ZKSCAN7: variants seen among roughly 807,000 people sequenced by gnomAD.
ZKSCAN7 encodes the protein zinc finger with KRAB and SCAN domains 7.
Under a neutral mutation model 65.3 loss-of-function variants are expected in ZKSCAN7, and 38 were observed. The ratio of observed to expected loss-of-function variants is 0.58; its 90% CI spans 0.45 to 0.76. ZKSCAN7 has a LOEUF of 0.76. ZKSCAN7 is among the 30% of genes least tolerant of loss of function. ZKSCAN7 has a pLI of 0.00. For missense variants in ZKSCAN7, 815 were observed against 913.3 expected (o/e 0.89, Z 1.39); for synonymous variants, 321 against 321.0 (o/e 1.00, Z 0.00).
chr3:44,570,932 G>C lies in ZKSCAN7; in HGVS notation c.1822G>C (p.Glu608Gln). The C allele has an allele frequency of 6.2e-7, 1 of 1,614,130 alleles. No homozygotes were observed. The highest frequency in any genetic ancestry group is 8.5e-7 in the Non-Finnish European group (1 of 1,180,002). Reference sequence around the variant, plus strand: ...AATTCATACTGGAGAAAAACCTTTTGAATGTAGCGAGTGTGGTAAGGCATT... The same window carrying C: ...AATTCATACTGGAGAAAAACCTTTTCAATGTAGCGAGTGTGGTAAGGCATT... ...ERIHTGEKPF[E>Q]CSECGKAFGL... The change falls in exon 6 of 6, where the codon GAA (glutamate) becomes CAA (glutamine). Residue 608 changes from glutamate (E) to glutamine (Q), a missense_variant. Glu to Gln is a conservative substitution (Grantham distance 29). Coordinates refer to ENST00000426540, the MANE Select transcript of ZKSCAN7 (RefSeq NM_001288590.2).
downstream of ZKSCAN7, among the ~76,000 whole-genome samples, chr3:44,575,540 A>G (rs1249121020): frequency 6.6e-6 from 1 of 152,220 alleles, no homozygotes; most frequent in Non-Finnish European, 1.5e-5. Context: ...AAAGTTCCCA[A>G]ATAATTGAAA....
chr3:44,580,321 G>T (rs1700041808), intron 5 of ZKSCAN7: 2 of 1,613,360 alleles, frequency 1.2e-6, no homozygotes, highest in African/African-American at 1.3e-5. Flanking sequence ...TCCAGCCCAG[G>T]TTCCCGCAGG....
chr3:44,558,803 T>TTG (rs71092314), intron 2 of ZKSCAN7, among the ~76,000 whole-genome samples: 3 of 122,252 alleles, frequency 2.5e-5, no homozygotes, highest in Non-Finnish European at 3.6e-5. Context: ...TTTTTTTTTT[T>TTG]GGGTCTTGCT....
At chr3:44,580,195 C>T (rs1250708790) in intron 5 of ZKSCAN7, 64 of 1,611,192 alleles carry the variant, frequency 4.0e-5, no homozygotes, top group Non-Finnish European at 5.3e-5. Context: ...AGCTGCTGTT[C>T]TTCGGCCTTC....
Position 44,570,268 on chromosome 3 carries a change from T to A in ZKSCAN7, c.1158T>A (p.Asp386Glu). ...AGGGACAGAAATCCTATCGATGTGA[T>A]GAATGTGGCAAAGCTTTCAATCGGA... ...VLKGQKSYRC[D>E]ECGKAFNRSS... Residue 386 changes from aspartate (D) to glutamate (E), a missense_variant, in exon 6 of 6, where the codon GAT becomes GAA. Asp to Glu is a conservative substitution (Grantham distance 45, BLOSUM62 2). This residue lies in a region of ZKSCAN7 where 578 missense variants were observed against 629.5 expected (regional missense o/e 0.92). Coordinates refer to ENST00000426540, the MANE Select transcript of ZKSCAN7 (RefSeq NM_001288590.2). The A allele has an allele frequency of 6.2e-7, 1 of 1,614,238 alleles. No homozygotes were observed. The highest frequency in any genetic ancestry group is 8.5e-7 in the Non-Finnish European group (1 of 1,180,046).
chr3:44,567,387 T>TTA (rs1031022492), intron 3 of ZKSCAN7, among the ~76,000 whole-genome samples: 9 of 152,246 alleles, frequency 5.9e-5, no homozygotes, highest in Non-Finnish European at 1.3e-4. Flanking sequence ...GACACTGAAC[T>TTA]TAAAGTGTTG....
rs1246032383 is a variant in ZKSCAN7 at position 44,556,981 on chromosome 3, C to T, written c.-67C>T. 6.2e-7 allele frequency: 1 copy of T among 1,601,054 alleles called. No homozygotes were observed. Among genetic ancestry groups the T allele is most frequent in the African/African-American group, 1.3e-5 (1 of 74,144 alleles). On this transcript the variant is annotated 5_prime_UTR_variant, in exon 2 of 6. Transcript: ENST00000426540. ...AACCCTGAAAAACAGTTCCTGAGAC[C>T]TGAACTATTGACCATCATTTTAATC...
chr3:44,577,124 T>G (rs558310901), downstream of ZKSCAN7, among the ~76,000 whole-genome samples: 1 of 152,204 alleles, frequency 6.6e-6, no homozygotes, highest in Admixed American at 6.5e-5. Flanking sequence ...TTACCATACC[T>G]GGCTAATTTT....
chr3:44,572,367 TGTGTGTGTGTGTGTGTG>T (rs753083897), downstream of ZKSCAN7, among the ~76,000 whole-genome samples: 11 of 150,886 alleles, frequency 7.3e-5, no homozygotes, highest in African/African-American at 2.7e-4. Context: ...TGTGTGTGTG[TGTGTGTGTGTGTGTGTG>T]TGTGTATGTA....
downstream of ZKSCAN7, among the ~76,000 whole-genome samples, chr3:44,572,849 C>CAAAAAAAAAAAAAAAAAAAAAAAA (rs11339297): frequency 1.3e-3 from 96 of 72,402 alleles, no homozygotes; most frequent in Non-Finnish European, 1.8e-3. Flanking sequence ...GACTCTGTCT[C>CAAAAAAAAAAAAAAAAAAAAAAAA]AAAAAAAAAA....
intron 5 of ZKSCAN7, among the ~76,000 whole-genome samples, chr3:44,581,854 A>G (rs1700093088): frequency 6.6e-6 from 1 of 152,178 alleles, no homozygotes; most frequent in Non-Finnish European, 1.5e-5. Context: ...AAATGTCAAG[A>G]GATGGTGGAT....
chr3:44,573,809 C>A (rs76712836), downstream of ZKSCAN7, among the ~76,000 whole-genome samples: 1 of 152,124 alleles, frequency 6.6e-6, no homozygotes, highest in East Asian at 1.9e-4. Context: ...CCACACTAAC[C>A]CTCTAGAGGT....
chr3:44,575,471 C>G, downstream of ZKSCAN7, among the ~76,000 whole-genome samples: 1 of 152,160 alleles, frequency 6.6e-6, no homozygotes, highest in East Asian at 1.9e-4. Context: ...ATAGTATACA[C>G]TATAATAAAA....
Position 44,557,006 on chromosome 3 carries a change from C to T in ZKSCAN7, c.-42C>T, listed in dbSNP as rs150817201. ...CTGAACTATTGACCATCATTTTAAT[C>T]GGACCAACTGCAGCTGTAACAAGCT... On this transcript the variant is annotated 5_prime_UTR_variant, in exon 2 of 6. Transcript: ENST00000426540. 52 of 1,611,558 alleles carry T rather than the reference C, an allele frequency of 3.2e-5. No individual in the cohort carries two copies. The highest frequency in any genetic ancestry group is 2.5e-4 in the East Asian group (11 of 44,870).
rs1307534126 is a variant in ZKSCAN7, at chr3:44,556,922, T to A, written c.-118-8T>A. ...CCAAGAACTCTGATTTCACTCTTGT[T>A]TCTGTAGGCCACACTACCATCACCC... On this transcript the variant is annotated splice_polypyrimidine_tract_variant and splice_region_variant and intron_variant, in intron 1 of 5. Coordinates refer to ENST00000426540, the MANE Select transcript of ZKSCAN7 (RefSeq NM_001288590.2). The A allele has an allele frequency of 4.0e-6, 5 of 1,257,158 alleles. No individual in the cohort carries two copies. In the Admixed American group the frequency reaches 6.4e-5, roughly 16 times the overall value. The allele number at this position is 1,257,158 out of a possible 1,614,324, so 77.9% of individuals were successfully genotyped here. A position where few individuals can be genotyped will look rare whatever the true frequency, so the allele number is the denominator to read the frequency against.
At position 44,571,792 on chromosome 3, in the gene ZKSCAN7, C is replaced by T; in HGVS notation, c.*417C>T. 2 of 1,009,054 alleles carry T rather than the reference C, an allele frequency of 2.0e-6. No individual in the cohort carries two copies. The highest frequency in any genetic ancestry group is 2.4e-6 in the Non-Finnish European group (2 of 843,700). 62.5% of individuals were successfully genotyped at this position (1,009,054 alleles called of 1,614,324 possible). Reference sequence around the variant, plus strand: ...GCCTTCCTGCCTCTTGGCTATGGCCCTCCCCATCTACTCTTTAAACTTTAA... The same window carrying T: ...GCCTTCCTGCCTCTTGGCTATGGCCTTCCCCATCTACTCTTTAAACTTTAA... On this transcript the variant is annotated 3_prime_UTR_variant, in exon 6 of 6. Transcript: ENST00000426540.
chr3:44,566,248 G>GGA (rs1268098695), intron 3 of ZKSCAN7, among the ~76,000 whole-genome samples: 1 of 152,210 alleles, frequency 6.6e-6, no homozygotes, highest in Admixed American at 6.5e-5. Context: ...GGTGGAGTCA[G>GGA]GAAAGACTGT....
rs1261369970 is a variant in ZKSCAN7 at position 44,582,028 on chromosome 3, AGAATT to A, written c.812-940_812-936del. ...ATACGCACATGGTGGCACTATAAAA[AGAATT>A]GAAAGTAAATCCCCTATCCCTAACA... On this transcript the variant is annotated intron_variant, in intron 5 of 5. Coordinates refer to the ZKSCAN7 transcript ENST00000341840. Among the ~76,000 whole-genome samples, 3 of 152,234 alleles carry A rather than the reference AGAATT, an allele frequency of 2.0e-5. No homozygotes were observed. The East Asian group carries it at 5.8e-4, about 29-fold the overall frequency.
At chr3:44,580,241 G>A (rs2125736143) in intron 5 of ZKSCAN7, 3 of 1,612,756 alleles carry the variant, frequency 1.9e-6, no homozygotes, top group South Asian at 1.1e-5. Context: ...AGAAGTAGCT[G>A]CTCTCCCCCC....
Sources: allele counts gnomAD v4.1 joint callset (sites outside exome capture counted in the v4.1 genomes callset), GRCh38; gene constraint gnomAD v4.1.1; regional missense constraint gnomAD v4.1.1; transcripts MANE v1.5; gene names NCBI Gene and HGNC (gene_info 2026-07-23, HGNC 2026-07-21).